ARMH3: variants seen among roughly 807,000 people sequenced by gnomAD.
ARMH3 encodes armadillo like helical domain containing 3.
A neutral mutation model predicts 99.1 loss-of-function variants in ARMH3; 60 were observed. That is an observed-to-expected ratio of 0.61 (90% CI 0.49 to 0.75). The LOEUF is 0.75. Among genes scored for constraint, ARMH3 ranks in the 30% least tolerant of loss-of-function variants. The probability of loss-of-function intolerance (pLI) is 0.00; values close to 1 mark genes in which losing one functional copy is unlikely to be tolerated. For missense variants in ARMH3, 679 were observed against 843.1 expected (o/e 0.81, Z 2.41); for synonymous variants, 285 against 292.8 (o/e 0.97, Z 0.27).
chr10:102,003,187 G>C (rs902273903), intron 14 of ARMH3, among the ~76,000 whole-genome samples: 1 of 151,458 alleles, frequency 6.6e-6, no homozygotes, highest in East Asian at 2.0e-4. Context: ...TTTTGAGACA[G>C]AGTCTCGCTC....
chr10:101,997,509 T>C (rs994609881), intron 15 of ARMH3, among the ~76,000 whole-genome samples: 2 of 151,842 alleles, frequency 1.3e-5, no homozygotes, highest in Admixed American at 1.3e-4. Context: ...GGGGAATCGC[T>C]TGAACCCGGG....
At chr10:101,889,651 G>T in intron 23 of ARMH3, 161 bp from the exon 24 acceptor site, 1 of 680,764 alleles carries the variant, frequency 1.5e-6, no homozygotes, top group Non-Finnish European at 2.7e-6. Flanking sequence ...TCACAAATGG[G>T]GGTGAATTGA....
rs750286805 is a variant in ARMH3, at chr10:101,960,885, G to A, written c.1496-3153C>T. ...AGCCTGGGCGACAGAGCAAAACTCC[G>A]TCTCAAAAAAAAAAAAAAAAAAAGA... On this transcript the variant is annotated intron_variant, in intron 20 of 25. Transcript: ENST00000370033. Among the ~76,000 whole-genome samples, 153 of 126,880 alleles carry A rather than the reference G, an allele frequency of 1.2e-3. 1 individual carries two copies. The highest frequency in any genetic ancestry group is 2.1e-3 in the Non-Finnish European group (125 of 59,246). 83.2% of individuals were successfully genotyped at this position (126,880 alleles called of 152,430 possible).
At chr10:101,946,896 A>C (rs929466306) in intron 22 of ARMH3, among the ~76,000 whole-genome samples, 1 of 152,140 alleles carries the variant, frequency 6.6e-6, no homozygotes, top group Non-Finnish European at 1.5e-5. Context: ...GAAAAAAAAA[A>C]AACCTTTTAA....
At chr10:101,864,074 A>C (rs201457385) in intron 24 of ARMH3, among the ~76,000 whole-genome samples, 7,594 of 128,174 alleles carry the variant, frequency 0.059, 266 homozygotes, top group Non-Finnish European at 0.08. Flanking sequence ...AAAAAAAAAA[A>C]AAAAACACAC....
At chr10:101,932,202 C>T (rs1032388928) in intron 23 of ARMH3, among the ~76,000 whole-genome samples, 14 of 152,096 alleles carry the variant, frequency 9.2e-5, no homozygotes, top group Admixed American at 7.2e-4. Flanking sequence ...AGTCACTATG[C>T]GATAGCACTT....
chr10:101,985,832 C>T (rs1354019027), intron 19 of ARMH3, among the ~76,000 whole-genome samples: 1 of 152,030 alleles, frequency 6.6e-6, no homozygotes, highest in East Asian at 1.9e-4. Context: ...TCCTGGCCAA[C>T]ATGGTGAAAC....
intron 1 of ARMH3, among the ~76,000 whole-genome samples, chr10:102,046,281 A>G (rs2067547588): frequency 6.6e-6 from 1 of 151,648 alleles, no homozygotes; most frequent in South Asian, 2.1e-4. Context: ...AGAGAAAGAG[A>G]GGGAGAGAGA....
chr10:101,950,987 T>A (rs1044113349), intron 22 of ARMH3, among the ~76,000 whole-genome samples: 6 of 152,290 alleles, frequency 3.9e-5, no homozygotes, highest in South Asian at 2.1e-4. Context: ...ATTAAAAAAA[T>A]TTTAAAAAGT....
At chr10:101,945,227 G>A (rs1844462255) in intron 22 of ARMH3, among the ~76,000 whole-genome samples, 1 of 152,146 alleles carries the variant, frequency 6.6e-6, no homozygotes, top group African/African-American at 2.4e-5. Context: ...CAGTTCCAGA[G>A]CTGCATAGTG....
At chr10:101,991,655 A>T (rs1477744490) in intron 18 of ARMH3, among the ~76,000 whole-genome samples, 1 of 152,206 alleles carries the variant, frequency 6.6e-6, no homozygotes, top group East Asian at 1.9e-4. Flanking sequence ...TGCTGTGATT[A>T]CAGGTGTGAG....
At chr10:102,006,353 A>G (rs1238278899) in intron 14 of ARMH3, among the ~76,000 whole-genome samples, 187 bp downstream of exon 14, 3 of 152,248 alleles carry the variant, frequency 2.0e-5, no homozygotes, top group Non-Finnish European at 4.4e-5. Context: ...TTTTACAGAG[A>G]AAATCACTGG....
chr10:101,999,964 T>C (rs1297197619), intron 15 of ARMH3, among the ~76,000 whole-genome samples: 1 of 152,048 alleles, frequency 6.6e-6, no homozygotes, highest in Non-Finnish European at 1.5e-5. Context: ...ATGCCTGTAG[T>C]CCCAGCTACT....
intron 23 of ARMH3, among the ~76,000 whole-genome samples, chr10:101,929,054 G>A (rs1331604355): frequency 6.6e-6 from 1 of 152,120 alleles, no homozygotes; most frequent in Non-Finnish European, 1.5e-5. Context: ...TTTAAAAAGA[G>A]CACAGTACAA....
intron 19 of ARMH3, among the ~76,000 whole-genome samples, chr10:101,984,284 G>A (rs1846361107): frequency 6.6e-6 from 1 of 152,144 alleles, no homozygotes. Flanking sequence ...TAGAAATTGT[G>A]ATGTGATCCT....
At chr10:102,025,471 T>C (rs944220511) in intron 5 of ARMH3, among the ~76,000 whole-genome samples, 2 of 152,156 alleles carry the variant, frequency 1.3e-5, no homozygotes, top group Non-Finnish European at 2.9e-5. Context: ...AATCTAGCTA[T>C]ATTGAGAAAA....
At chr10:102,025,131 C>G (rs1269841897) in intron 6 of ARMH3, 25 bp downstream of exon 6, 1 of 1,571,434 alleles carries the variant, frequency 6.4e-7, no homozygotes, top group Non-Finnish European at 8.8e-7. Context: ...TCAATTAATA[C>G]CCTTGACAAA....
intron 24 of ARMH3, among the ~76,000 whole-genome samples, chr10:101,858,368 G>A (rs112928488): frequency 6.6e-6 from 1 of 152,204 alleles, no homozygotes; most frequent in Non-Finnish European, 1.5e-5. Flanking sequence ...CATCTTTAAA[G>A]TGGAAATACT....
At chr10:101,994,347 CT>C (rs1300797149) in intron 16 of ARMH3, among the ~76,000 whole-genome samples, 7 of 152,162 alleles carry the variant, frequency 4.6e-5, no homozygotes, top group African/African-American at 1.4e-4. Flanking sequence ...CCAGCCACCC[CT>C]AATCTTGTGA....
Sources: allele counts gnomAD v4.1 joint callset (sites outside exome capture counted in the v4.1 genomes callset), GRCh38; gene constraint gnomAD v4.1.1; transcripts MANE v1.5; gene names NCBI Gene and HGNC (gene_info 2026-07-23, HGNC 2026-07-21).